DPP10: variants seen among roughly 807,000 people sequenced by gnomAD.
DPP10 encodes the protein inactive dipeptidyl peptidase 10.
Under a neutral mutation model 120.9 loss-of-function variants are expected in DPP10, and 33 were observed. The ratio of observed to expected loss-of-function variants is 0.27; its 90% confidence interval spans 0.21 to 0.37. The LOEUF (loss-of-function observed/expected upper bound fraction) is 0.37, where lower values mean the gene tolerates loss of function less well. Ranked by LOEUF, DPP10 falls within the 10% of genes least tolerant of loss-of-function variation. The pLI is 1.00. For synonymous variants in DPP10, 337 were observed against 326.1 expected (o/e 1.03, Z -0.36); for missense variants, 816 against 942.8 (o/e 0.87, Z 1.76).
chr2:115,368,615 A>G (rs1332192572), intron 3 of DPP10, among the ~76,000 whole-genome samples: 9 of 151,984 alleles, frequency 5.9e-5, no homozygotes, highest in Admixed American at 5.9e-4. Context: ...AGGAACTATT[A>G]GTTTGTAGAA....
At chr2:114,753,376 T>C (rs1463250257) in intron 1 of DPP10, among the ~76,000 whole-genome samples, 2 of 152,176 alleles carry the variant, frequency 1.3e-5, no homozygotes, top group Admixed American at 1.3e-4. Context: ...AGACTGGTTA[T>C]TTAGCCCGTA....
intron 1 of DPP10, among the ~76,000 whole-genome samples, chr2:115,203,015 A>G (rs2055855069): frequency 1.3e-5 from 2 of 152,236 alleles, no homozygotes; most frequent in Non-Finnish European, 1.5e-5. Flanking sequence ...TTGCATAGAA[A>G]TAAAGGCATA....
intron 1 of DPP10, among the ~76,000 whole-genome samples, chr2:115,246,032 A>G (rs115489767): frequency 0.022 from 3,371 of 152,184 alleles, 127 homozygotes; most frequent in African/African-American, 0.077. Flanking sequence ...ATATCCGGAT[A>G]CTGAATACAG....
intron 7 of DPP10, among the ~76,000 whole-genome samples, chr2:115,722,685 A>C (rs1474101382): frequency 6.6e-6 from 1 of 152,180 alleles, no homozygotes; most frequent in East Asian, 1.9e-4. Context: ...TAGAATATTA[A>C]AATCTCATGG....
chr2:115,390,982 G>A (rs1313037890), intron 3 of DPP10, among the ~76,000 whole-genome samples: 1 of 152,096 alleles, frequency 6.6e-6, no homozygotes, highest in African/African-American at 2.4e-5. Context: ...ATGACTGACA[G>A]AGATCCTAGT....
rs1361835760 is a variant in DPP10 at position 115,449,990 on chromosome 2, C to A, written c.272-49520C>A. ...TTACCCCAAAAGCCCAAGAATTATT[C>A]ATCAGCAGAACAAAGGCATAAATTG... On this transcript the variant is annotated intron_variant, in intron 3 of 25. Transcript: ENST00000410059. Among the ~76,000 whole-genome samples, 3 of 152,106 alleles carry A rather than the reference C, an allele frequency of 2.0e-5. No individual in the cohort carries two copies. In the East Asian group the frequency reaches 5.8e-4, roughly 29 times the overall value.
intron 1 of DPP10, among the ~76,000 whole-genome samples, chr2:114,795,329 A>T (rs1217468815): frequency 1.3e-4 from 5 of 38,036 alleles, no homozygotes; most frequent in East Asian, 6.3e-3. Flanking sequence ...CTAAAAATTA[A>T]AAAAAAAAAA....
chr2:114,859,298 G>A (rs1384411783), intron 1 of DPP10, among the ~76,000 whole-genome samples: 1 of 151,760 alleles, frequency 6.6e-6, no homozygotes, highest in East Asian at 1.9e-4. Flanking sequence ...AACCCAGGAG[G>A]TGAAGCTAGC....
chr2:115,487,204 A>T (rs1042966702), intron 3 of DPP10, among the ~76,000 whole-genome samples: 1 of 143,250 alleles, frequency 7.0e-6, no homozygotes, highest in Non-Finnish European at 1.5e-5. Flanking sequence ...GAGAACTACA[A>T]ACCACTGCTC....
chr2:115,216,040 GAT>G (rs1250459830), intron 1 of DPP10, among the ~76,000 whole-genome samples: 2 of 152,088 alleles, frequency 1.3e-5, no homozygotes, highest in Admixed American at 6.6e-5. Flanking sequence ...TCTTAAGTGA[GAT>G]AACTCAGAAA....
chr2:114,782,239 G>A (rs559238701), intron 1 of DPP10, among the ~76,000 whole-genome samples: 1 of 152,032 alleles, frequency 6.6e-6, no homozygotes, highest in East Asian at 1.9e-4. Context: ...TATAAGGAGA[G>A]ATGGAGATTA....
intron 1 of DPP10, among the ~76,000 whole-genome samples, chr2:115,001,915 A>G (rs1205419400): frequency 1.3e-5 from 2 of 152,238 alleles, no homozygotes; most frequent in Non-Finnish European, 2.9e-5. Context: ...TTCTATGCTC[A>G]TGGATAAGAA....
At chr2:114,746,608 C>T (rs1404676667) in intron 1 of DPP10, among the ~76,000 whole-genome samples, 1 of 152,070 alleles carries the variant, frequency 6.6e-6, no homozygotes, top group Non-Finnish European at 1.5e-5. Context: ...AGGGTGATTG[C>T]AGGGATGGAA....
chr2:114,555,655 G>A (rs918605846), intron 1 of DPP10, among the ~76,000 whole-genome samples: 1 of 152,162 alleles, frequency 6.6e-6, no homozygotes, highest in South Asian at 2.1e-4. Context: ...TACACAGGGA[G>A]CCTTCTTTCA....
chr2:115,594,978 A>G (rs1407712694), intron 5 of DPP10, among the ~76,000 whole-genome samples: 2 of 152,178 alleles, frequency 1.3e-5, no homozygotes, highest in Non-Finnish European at 2.9e-5. Context: ...ATATTTCACA[A>G]TGCTTTCTAT....
At chr2:115,353,797 T>G (rs1447099030) in intron 3 of DPP10, among the ~76,000 whole-genome samples, 3 of 152,186 alleles carry the variant, frequency 2.0e-5, no homozygotes, top group Non-Finnish European at 4.4e-5. Flanking sequence ...TAATAAGTTC[T>G]GGCTAGAAGC....
At chr2:114,938,146 T>A (rs1452512009) in intron 1 of DPP10, among the ~76,000 whole-genome samples, 1 of 152,220 alleles carries the variant, frequency 6.6e-6, no homozygotes, top group African/African-American at 2.4e-5. Flanking sequence ...ATCCACAGAC[T>A]ATATACACAT....
At chr2:114,568,502 C>T (rs1173600107) in intron 1 of DPP10, among the ~76,000 whole-genome samples, 1 of 152,168 alleles carries the variant, frequency 6.6e-6, no homozygotes, top group Non-Finnish European at 1.5e-5. Flanking sequence ...GTTACCACAA[C>T]AATTTGTGGC....
intron 4 of DPP10, among the ~76,000 whole-genome samples, chr2:115,506,821 T>C (rs2076968658): frequency 6.6e-6 from 1 of 151,978 alleles, no homozygotes; most frequent in African/African-American, 2.4e-5. Flanking sequence ...ATATAGTGAG[T>C]GGAAAAGAGG....
Sources: gnomAD v4.1 joint callset for allele counts (sites outside exome capture counted in the v4.1 genomes callset) on GRCh38, gnomAD v4.1.1 for gene constraint, MANE v1.5 for transcripts, NCBI Gene and HGNC (gene_info 2026-07-23, HGNC 2026-07-21) for gene names.